Variants in PDE4D observed in about 807,000 individuals in gnomAD.
PDE4D encodes the protein phosphodiesterase 4D, also known as 3',5'-cyclic-AMP phosphodiesterase 4D.
Under a neutral mutation model 87.4 loss-of-function variants are expected in PDE4D, and 24 were observed. The observed-to-expected ratio is 0.27, with a 90% confidence interval of 0.20 to 0.39. The LOEUF is 0.39. PDE4D is among the 10% of genes least tolerant of loss of function. The probability of loss-of-function intolerance (pLI) is 1.00; values close to 1 mark genes in which losing one functional copy is unlikely to be tolerated. For missense variants in PDE4D, 714 were observed against 1,041.0 expected, an observed-to-expected ratio of 0.69 and a Z score of 4.32; for synonymous variants, 384 against 383.2, an observed-to-expected ratio of 1.00 and a Z score of -0.02.
intron 2 of PDE4D, among the ~76,000 whole-genome samples, chr5:60,037,135 A>G (rs1020378192): frequency 1.3e-5 from 2 of 152,194 alleles, no homozygotes; most frequent in South Asian, 4.1e-4. Flanking sequence ...CTAGATGAGA[A>G]TGTATGTGGA....
At chr5:60,416,079 G>C (rs1013308059) in intron 1 of PDE4D, among the ~76,000 whole-genome samples, 6 of 152,004 alleles carry the variant, frequency 3.9e-5, no homozygotes, top group Non-Finnish European at 5.9e-5. Flanking sequence ...TCTGTGTCTA[G>C]CTCAGGGTTT....
At chr5:59,906,434 A>C (rs1159562724) in intron 3 of PDE4D, among the ~76,000 whole-genome samples, 3 of 152,150 alleles carry the variant, frequency 2.0e-5, no homozygotes, top group African/African-American at 7.2e-5. Flanking sequence ...GGTCAGGCAA[A>C]CTGTGGCTAT....
In PDE4D at chr5:59,140,163, T is replaced by A. The variant is rs1035386339; in HGVS notation, c.808+40432A>T. On this transcript the variant is annotated intron_variant, in intron 5 of 14. Coordinates refer to ENST00000340635, the MANE Select transcript of PDE4D (RefSeq NM_001104631.2). ...TTCAGTCCCATATGAACAGCCATGT[T>A]GGCTAGAGGACATCATACTTCTCAA... 3.3e-5 allele frequency among the ~76,000 whole-genome samples: 5 copies of A among 152,352 alleles called. No individual in the cohort carries two copies. In the South Asian group the frequency reaches 8.3e-4, roughly 25 times the overall value.
chr5:59,309,295 A>G (rs775066416), intron 1 of PDE4D, among the ~76,000 whole-genome samples: 13 of 152,228 alleles, frequency 8.5e-5, no homozygotes, highest in East Asian at 1.9e-4. Flanking sequence ...TCAAATTGTT[A>G]CAAACTTCAG....
intron 1 of PDE4D, among the ~76,000 whole-genome samples, chr5:59,631,110 A>C (rs921655590): frequency 6.6e-6 from 1 of 152,160 alleles, no homozygotes; most frequent in African/African-American, 2.4e-5. Flanking sequence ...TTGAGTACTT[A>C]TTTTGTACCA....
At chr5:59,523,281 A>C (rs1031690913) in intron 1 of PDE4D, among the ~76,000 whole-genome samples, 4 of 152,350 alleles carry the variant, frequency 2.6e-5, no homozygotes, top group African/African-American at 9.6e-5. Context: ...TGAAAATTAT[A>C]GGGATGTTTT....
chr5:60,274,503 G>A (rs150258992), intron 1 of PDE4D, among the ~76,000 whole-genome samples: 13 of 152,086 alleles, frequency 8.5e-5, no homozygotes, highest in Non-Finnish European at 1.3e-4. Context: ...TGAGATTACC[G>A]GCATGTGCCA....
At chr5:59,114,727 A>G (rs1773285533) in intron 5 of PDE4D, among the ~76,000 whole-genome samples, 1 of 152,076 alleles carries the variant, frequency 6.6e-6, no homozygotes, top group Non-Finnish European at 1.5e-5. Context: ...GGTTTTTGAG[A>G]GGGATACACT....
At chr5:59,120,820 G>A (rs1774361436) in intron 5 of PDE4D, among the ~76,000 whole-genome samples, 1 of 152,064 alleles carries the variant, frequency 6.6e-6, no homozygotes, top group Non-Finnish European at 1.5e-5. Flanking sequence ...TATAAAAACA[G>A]ACACATAGAC....
chr5:60,056,759 T>C (rs1471342271), intron 2 of PDE4D, among the ~76,000 whole-genome samples: 2 of 152,068 alleles, frequency 1.3e-5, no homozygotes, highest in Non-Finnish European at 2.9e-5. Flanking sequence ...ATCTATGACT[T>C]TTTGATGACA....
intron 1 of PDE4D, among the ~76,000 whole-genome samples, chr5:60,502,328 T>C (rs940324575): frequency 1.3e-4 from 20 of 152,242 alleles, no homozygotes; most frequent in African/African-American, 4.1e-4. Context: ...TGTGGCATTA[T>C]TTCTGAGGGC....
At chr5:60,441,908 T>A (rs1476501667) in intron 1 of PDE4D, among the ~76,000 whole-genome samples, 2 of 151,794 alleles carry the variant, frequency 1.3e-5, no homozygotes, top group Admixed American at 6.6e-5. Context: ...TCATGCCAAT[T>A]AGAATAGCAA....
intron 1 of PDE4D, among the ~76,000 whole-genome samples, chr5:59,613,609 G>C (rs140873057): frequency 6.6e-6 from 1 of 152,134 alleles, no homozygotes; most frequent in Non-Finnish European, 1.5e-5. Context: ...AGGGAAAAGG[G>C]GGAAAGCCAG....
At chr5:60,179,805 A>G (rs1037662699) in intron 2 of PDE4D, among the ~76,000 whole-genome samples, 21 of 152,328 alleles carry the variant, frequency 1.4e-4, no homozygotes, top group African/African-American at 3.8e-4. Flanking sequence ...CAAAATTTTA[A>G]AAGAAAATTA....
At chr5:59,778,917 C>T (rs904317929) in intron 1 of PDE4D, among the ~76,000 whole-genome samples, 1 of 152,192 alleles carries the variant, frequency 6.6e-6, no homozygotes, top group Non-Finnish European at 1.5e-5. Context: ...GTAATCCCAG[C>T]ACTTTGGGAG....
At chr5:59,746,419 A>T (rs1186751930) in intron 1 of PDE4D, among the ~76,000 whole-genome samples, 1 of 152,126 alleles carries the variant, frequency 6.6e-6, no homozygotes, top group East Asian at 1.9e-4. Context: ...TGCAGTGAGG[A>T]TGAATTACTG....
At chr5:59,957,373 C>T (rs1314086226) in intron 3 of PDE4D, among the ~76,000 whole-genome samples, 1 of 145,536 alleles carries the variant, frequency 6.9e-6, no homozygotes, top group Admixed American at 6.9e-5. Flanking sequence ...TAAAGTTGCA[C>T]TTTTTTTTTT....
intron 1 of PDE4D, among the ~76,000 whole-genome samples, chr5:60,362,204 A>G (rs1256651204): frequency 1.3e-5 from 2 of 152,208 alleles, no homozygotes; most frequent in Non-Finnish European, 2.9e-5. Context: ...AAAAAGTGTC[A>G]TGAGACCCAC....
At chr5:59,613,055 C>T (rs1829207037) in intron 1 of PDE4D, among the ~76,000 whole-genome samples, 1 of 152,046 alleles carries the variant, frequency 6.6e-6, no homozygotes. Context: ...CTGAGGGGTG[C>T]AAAACAGGCT....
Sources: gnomAD v4.1 joint callset for allele counts (sites outside exome capture counted in the v4.1 genomes callset) on GRCh38, gnomAD v4.1.1 for gene constraint, MANE v1.5 for transcripts, NCBI Gene and HGNC (gene_info 2026-07-23, HGNC 2026-07-21) for gene names.